Variants in SCLT1 observed in about 807,000 individuals in gnomAD.
SCLT1 encodes sodium channel-associated protein 1.
A neutral mutation model predicts 112.8 loss-of-function variants in SCLT1; 78 were observed. The ratio of observed to expected loss-of-function variants is 0.69; its 90% confidence interval spans 0.58 to 0.83. The LOEUF (loss-of-function observed/expected upper bound fraction) is 0.83, where lower values mean the gene tolerates loss of function less well. SCLT1 is among the 40% of genes least tolerant of loss of function. The pLI, the probability that SCLT1 is intolerant of heterozygous loss-of-function variation, is 0.00. For missense variants in SCLT1, 747 were observed against 770.4 expected (o/e 0.97, Z 0.36); for synonymous variants, 257 against 254.7 (o/e 1.01, Z -0.09).
intron 18 of SCLT1, among the ~76,000 whole-genome samples, chr4:128,924,106 A>G (rs902232604): frequency 6.6e-5 from 10 of 152,076 alleles, no homozygotes; most frequent in Non-Finnish European, 5.9e-5. Flanking sequence ...ATGAGTATAC[A>G]TTTAACTTTG....
chr4:129,021,680 C>T (rs1745486489), intron 5 of SCLT1, among the ~76,000 whole-genome samples: 1 of 152,196 alleles, frequency 6.6e-6, no homozygotes, highest in South Asian at 2.1e-4. Flanking sequence ...TAGGGCCCTA[C>T]AGACAAAATC....
At chr4:129,062,591 C>T (rs1404899813) in intron 2 of SCLT1, among the ~76,000 whole-genome samples, 1 of 152,106 alleles carries the variant, frequency 6.6e-6, no homozygotes, top group Non-Finnish European at 1.5e-5. Context: ...TGGTGATGAA[C>T]TCCCTCAGCT....
intron 1 of SCLT1, among the ~76,000 whole-genome samples, chr4:129,088,991 A>C (rs1752619646): frequency 6.6e-6 from 1 of 152,238 alleles, no homozygotes; most frequent in South Asian, 2.1e-4. Context: ...AAAAAAGCCA[A>C]AACTGACAAA....
intron 2 of SCLT1, among the ~76,000 whole-genome samples, chr4:129,056,349 G>T (rs764376567): frequency 6.6e-6 from 1 of 152,000 alleles, no homozygotes; most frequent in Non-Finnish European, 1.5e-5. Flanking sequence ...ATTCTTTATT[G>T]CATTCCATTG....
Position 128,891,123 on chromosome 4 carries a change from C to T in SCLT1, c.1844G>A (p.Arg615Gln), listed in dbSNP as rs372975601. The change falls in exon 19 of 21, where the codon CGA becomes CAA. Residue 615 changes from arginine (R) to glutamine (Q), a missense_variant. Transcript: ENST00000281142. ...CAGCTCTTGGGTATGAAGTTTCTGT[C>T]GACTCAGCTCACTCCTATTAAGAGC... The part of the protein sequence containing the change: ...RINNLKSELS[R>Q]QKLHTQELLS... 3.1e-5 allele frequency: 50 copies of T among 1,612,282 alleles called. No individual in the cohort carries two copies. Among genetic ancestry groups the T allele is most frequent in the African/African-American group, 2.0e-4 (15 of 74,956 alleles).
At chr4:128,940,488 G>A (rs1424878215) in intron 17 of SCLT1, among the ~76,000 whole-genome samples, 1 of 151,750 alleles carries the variant, frequency 6.6e-6, no homozygotes, top group Admixed American at 6.6e-5. Flanking sequence ...CTACATGTAT[G>A]TGTGTATACA....
chr4:128,994,821 A>G (rs1483144567), intron 8 of SCLT1, among the ~76,000 whole-genome samples: 1 of 152,132 alleles, frequency 6.6e-6, no homozygotes, highest in Non-Finnish European at 1.5e-5. Context: ...AAAAATACCT[A>G]TTTAAGTACT....
chr4:129,017,548 T>G (rs185242638), intron 5 of SCLT1, among the ~76,000 whole-genome samples: 3 of 152,256 alleles, frequency 2.0e-5, no homozygotes, highest in Non-Finnish European at 4.4e-5. Context: ...TTATTTTTTA[T>G]GTATGGTTAA....
At chr4:128,988,631 T>G (rs1159985481) in intron 9 of SCLT1, among the ~76,000 whole-genome samples, 1 of 151,882 alleles carries the variant, frequency 6.6e-6, no homozygotes, top group African/African-American at 2.4e-5. Flanking sequence ...AGTCCTTTCC[T>G]ATTACTAATA....
intron 18 of SCLT1, 97 bp from the exon 19 acceptor site, chr4:128,891,234 A>G: frequency 2.2e-6 from 2 of 893,826 alleles, no homozygotes. Flanking sequence ...GAACAAAAAT[A>G]TCATCTTGAG....
chr4:128,953,339 T>C (rs1387169666), intron 13 of SCLT1, among the ~76,000 whole-genome samples: 2 of 152,216 alleles, frequency 1.3e-5, no homozygotes, highest in Non-Finnish European at 2.9e-5. Context: ...TAGATTCTGA[T>C]ATCTCCTTCT....
chr4:128,889,742 T>G (rs1733167025), intron 19 of SCLT1, among the ~76,000 whole-genome samples: 1 of 152,190 alleles, frequency 6.6e-6, no homozygotes, highest in African/African-American at 2.4e-5. Flanking sequence ...TTATAGTACA[T>G]CTGAAAAAAA....
Position 128,936,636 on chromosome 4 carries a change from CAACT to C in SCLT1, c.1829+15_1829+18del, listed in dbSNP as rs1443539692. 7 of 1,476,014 alleles carry C rather than the reference CAACT, an allele frequency of 4.7e-6. No homozygotes were observed. The highest frequency in any genetic ancestry group is 6.5e-6 in the Non-Finnish European group (7 of 1,082,258). 91.4% of individuals were successfully genotyped at this position (1,476,014 alleles called of 1,614,324 possible). A position where few individuals can be genotyped will look rare whatever the true frequency, so the allele number is the denominator to read the frequency against. Reference sequence around the variant, plus strand: ...AATTTCTTCTGTAAAACATGTCAAACAACTAACAGTAGACTTACTTTAGATTATT... The same window carrying C: ...AATTTCTTCTGTAAAACATGTCAAACAACAGTAGACTTACTTTAGATTATT... On this transcript the variant is annotated intron_variant, in intron 18 of 20. Transcript: ENST00000281142.
chr4:128,873,273 G>GAAAAAAAGAAAAAAAAAAAAAAAAAA (rs1732335654), intron 5 of SCLT1: 27 of 78,564 alleles, frequency 3.4e-4, no homozygotes, highest in Admixed American at 6.6e-4. Context: ...AAAAAAAAAA[G>GAAAAAAAGAAAAAAAAAAAAAAAAAA]AAAAAAAGAA....
intron 9 of SCLT1, among the ~76,000 whole-genome samples, chr4:128,976,060 CAT>C (rs1392049822): frequency 6.6e-5 from 10 of 152,152 alleles, no homozygotes; most frequent in South Asian, 2.1e-4. Context: ...CAAAATTATA[CAT>C]AGTTTCAGGT....
At position 128,982,761 on chromosome 4, in the gene SCLT1, G is replaced by A. The variant is rs570680576; in HGVS notation, c.686+9406C>T. 7.9e-5 allele frequency among the ~76,000 whole-genome samples: 12 copies of A among 151,412 alleles called. No individual in the cohort carries two copies. The South Asian group carries it at 8.4e-4, about 11-fold the overall frequency. On this transcript the variant is annotated intron_variant, in intron 9 of 20. Coordinates refer to ENST00000281142, the MANE Select transcript of SCLT1 (RefSeq NM_144643.4). ...AGGTGATCCACCCGCCTTGGCCTCC[G>A]AAAGTGCTGAGATTACAGGCATGAG...
At chr4:129,002,855 C>A (rs79996355) in intron 6 of SCLT1, among the ~76,000 whole-genome samples, 8,908 of 152,150 alleles carry the variant, frequency 0.059, 320 homozygotes, top group African/African-American at 0.09. Flanking sequence ...ATTAGCTCAA[C>A]CATTGTGGAA....
At chr4:129,076,571 G>C (rs1726579849) in intron 2 of SCLT1, among the ~76,000 whole-genome samples, 2 of 151,974 alleles carry the variant, frequency 1.3e-5, no homozygotes, top group South Asian at 4.1e-4. Context: ...CCTTCAGCAA[G>C]TACCAAGAGA....
chr4:128,927,962 T>C (rs749460244), intron 18 of SCLT1, among the ~76,000 whole-genome samples: 1 of 151,894 alleles, frequency 6.6e-6, no homozygotes, highest in East Asian at 1.9e-4. Context: ...GACAATAATA[T>C]GAAAAACATC....
Sources: allele counts gnomAD v4.1 joint callset (sites outside exome capture counted in the v4.1 genomes callset), GRCh38; gene constraint gnomAD v4.1.1; transcripts MANE v1.5; gene names NCBI Gene and HGNC (gene_info 2026-07-23, HGNC 2026-07-21).